The following HS1BP3 variants were observed in gnomAD, a reference collection of about 807,000 sequenced individuals.
HS1BP3 encodes the protein HCLS1-binding protein 3.
A neutral mutation model predicts 33.5 loss-of-function variants in HS1BP3; 32 were observed. The ratio of observed to expected loss-of-function variants is 0.95; its 90% CI spans 0.72 to 1.28. HS1BP3 has a LOEUF of 1.28. Among genes scored for constraint, HS1BP3 ranks in the 50% most tolerant of loss-of-function variants. HS1BP3 has a pLI of 0.00. For missense variants in HS1BP3, 486 were observed against 502.3 expected (o/e 0.97, Z 0.31); for synonymous variants, 187 against 209.2 (o/e 0.89, Z 0.92).
chr2:20,564,868 G>T lies in HS1BP3; in HGVS notation c.303-4353C>A, dbSNP rs1011097522. Among the ~76,000 whole-genome samples the T allele has an allele frequency of 5.8e-4, 88 of 152,196 alleles. 1 individual carries two copies. The highest frequency in any genetic ancestry group is 2.1e-4 in the Non-Finnish European group (14 of 68,030). On this transcript the variant is annotated intron_variant, in intron 5 of 5. Coordinates refer to the HS1BP3 transcript ENST00000446825. ...AATGGAGGTACTGCCACACTGTATG[G>T]AAAAGGCACCTACAGAGGCAGAACT...
chr2:20,570,892 G>T (rs1693250068), intron 5 of HS1BP3, among the ~76,000 whole-genome samples: 1 of 152,196 alleles, frequency 6.6e-6, no homozygotes, highest in Admixed American at 6.5e-5. Flanking sequence ...GCTGAGGCCA[G>T]AAAGCCCTGG....
chr2:20,642,585 C>A (rs1017883531), intron 2 of HS1BP3, among the ~76,000 whole-genome samples: 1 of 152,230 alleles, frequency 6.6e-6, no homozygotes, highest in Non-Finnish European at 1.5e-5. Context: ...CCTGCTGGCC[C>A]GACTGCTCCC....
At chr2:20,570,186 T>C (rs1693232526) in intron 5 of HS1BP3, among the ~76,000 whole-genome samples, 1 of 152,162 alleles carries the variant, frequency 6.6e-6, no homozygotes, top group South Asian at 2.1e-4. Context: ...AAGAGAGTTT[T>C]TTTTCCCCCT....
At chr2:20,641,971 G>A (rs150616087) in intron 2 of HS1BP3, among the ~76,000 whole-genome samples, 5 of 152,350 alleles carry the variant, frequency 3.3e-5, no homozygotes, top group African/African-American at 7.2e-5. Context: ...CGCCGTGTCT[G>A]TAACCATGTG....
intron 4 of HS1BP3, among the ~76,000 whole-genome samples, chr2:20,633,511 T>C (rs181549064): frequency 1.3e-4 from 20 of 152,290 alleles, no homozygotes; most frequent in African/African-American, 4.8e-4. Flanking sequence ...AATCTGTTTT[T>C]TTGTTTGTTT....
chr2:20,587,704 C>T (rs1019177132), downstream of HS1BP3, among the ~76,000 whole-genome samples: 1 of 152,084 alleles, frequency 6.6e-6, no homozygotes, highest in African/African-American at 2.4e-5. Context: ...TGAGATCGCA[C>T]TACTGCACTC....
At chr2:20,620,263 T>C (rs1694555159) in intron 6 of HS1BP3, among the ~76,000 whole-genome samples, 1 of 152,204 alleles carries the variant, frequency 6.6e-6, no homozygotes, top group African/African-American at 2.4e-5. Context: ...CAGCTGAGAA[T>C]ACTGAGGTGC....
intron 1 of HS1BP3, among the ~76,000 whole-genome samples, chr2:20,646,083 G>A (rs1030943224): frequency 6.6e-6 from 1 of 152,166 alleles, no homozygotes; most frequent in East Asian, 1.9e-4. Context: ...AGGATGCATC[G>A]GCAAAACATC....
chr2:20,596,727 G>A (rs1693950703), intron 3 of HS1BP3, among the ~76,000 whole-genome samples: 1 of 152,146 alleles, frequency 6.6e-6, no homozygotes, highest in Non-Finnish European at 1.5e-5. Flanking sequence ...TCCCCTTTCT[G>A]TGCTGTACTC....
chr2:20,619,324 C>T, intron 6 of HS1BP3, 79 bp from the exon 7 acceptor site: 9 of 1,269,764 alleles, frequency 7.1e-6, no homozygotes, highest in Middle Eastern at 2.7e-4. Context: ...AATGCCAGTG[C>T]CCACACGGGG....
rs149420662 is a variant in HS1BP3, at chr2:20,579,229, C to T, written c.303-18714G>A. Among the ~76,000 whole-genome samples, 622 of 152,360 alleles carry T rather than the reference C, an allele frequency of 4.1e-3. 4 individuals carry two copies. The highest frequency in any genetic ancestry group is 0.015 in the African/African-American group (605 of 41,586). ...GGTTCCATGAGCACAGGAGCCTTTT[C>T]CTCCAGGCTGGCTCCATCCGAGCTG... On this transcript the variant is annotated intron_variant, in intron 5 of 5. Coordinates refer to the HS1BP3 transcript ENST00000446825.
intron 3 of HS1BP3, among the ~76,000 whole-genome samples, chr2:20,597,111 C>T (rs932530621): frequency 1.9e-4 from 29 of 152,240 alleles, no homozygotes; most frequent in African/African-American, 6.8e-4. Flanking sequence ...GTGTTTATGA[C>T]ATGGCCTCAG....
At chr2:20,556,191 T>G (rs537299546), downstream of HS1BP3, among the ~76,000 whole-genome samples, 20 of 152,374 alleles carry the variant, frequency 1.3e-4, no homozygotes, top group African/African-American at 4.8e-4. Context: ...TCTATTGACT[T>G]CCTGCTATGA....
At chr2:20,637,550 C>T (rs1695175357) in intron 4 of HS1BP3, 1 of 152,318 alleles carries the variant, frequency 6.6e-6, no homozygotes, top group Non-Finnish European at 1.5e-5. Context: ...TTTCCCAGTG[C>T]AAATCCTCAC....
Position 20,572,895 on chromosome 2 carries a change from A to G in HS1BP3, c.303-12380T>C, listed in dbSNP as rs1440258780. On this transcript the variant is annotated intron_variant, in intron 5 of 5. Transcript: ENST00000446825. The stretch of plus-strand genomic sequence containing the variant: ...GCTCCCTGCCAAGCCCCATGGGAGC[A>G]GAGGGGCCTGGGCAGCCTTCCTGTC... Among the ~76,000 whole-genome samples the G allele has an allele frequency of 4.6e-5, 7 of 152,186 alleles. No homozygotes were observed. In the South Asian group the frequency reaches 8.3e-4, roughly 18 times the overall value.
At chr2:20,600,757 A>G (rs112851664) in intron 2 of HS1BP3, among the ~76,000 whole-genome samples, 2,204 of 152,326 alleles carry the variant, frequency 0.014, 44 homozygotes, top group African/African-American at 0.048. Context: ...TTAAAATGTG[A>G]GTGGTTATCT....
intron 5 of HS1BP3, among the ~76,000 whole-genome samples, chr2:20,563,822 G>A (rs1471807869): frequency 2.0e-5 from 3 of 152,098 alleles, no homozygotes; most frequent in African/African-American, 7.2e-5. Flanking sequence ...CAGCGGTATC[G>A]ACATCCCCTG....
At chr2:20,572,188 A>C (rs1693291295) in intron 5 of HS1BP3, among the ~76,000 whole-genome samples, 1 of 152,224 alleles carries the variant, frequency 6.6e-6, no homozygotes, top group South Asian at 2.1e-4. Context: ...AGCAGGGCTC[A>C]GGCCTGGCTC....
intron 4 of HS1BP3, among the ~76,000 whole-genome samples, chr2:20,630,893 G>A (rs949150425): frequency 1.8e-4 from 28 of 152,216 alleles, no homozygotes; most frequent in African/African-American, 6.8e-4. Context: ...TGCATGGAGG[G>A]AGGGTCTGTG....
Sources: gnomAD v4.1 joint callset for allele counts (sites outside exome capture counted in the v4.1 genomes callset) on GRCh38, gnomAD v4.1.1 for gene constraint, MANE v1.5 for transcripts, NCBI Gene and HGNC (gene_info 2026-07-23, HGNC 2026-07-21) for gene names.